SLC35F4: variants seen among roughly 807,000 people sequenced by gnomAD.
The protein encoded by SLC35F4 is chromosome 14 open reading frame 36.
Under a neutral mutation model 44.2 loss-of-function variants are expected in SLC35F4, and 24 were observed. The ratio of observed to expected loss-of-function variants is 0.54; its 90% CI spans 0.39 to 0.76. The LOEUF (loss-of-function observed/expected upper bound fraction) is 0.76. SLC35F4 is among the 30% of genes least tolerant of loss of function. The pLI is 0.00. For missense variants in SLC35F4, 562 were observed against 586.1 expected (o/e 0.96, Z 0.42); for synonymous variants, 238 against 223.6 (o/e 1.06, Z -0.57).
chr14:57,791,061 G>A (rs933818197), intron 1 of SLC35F4, among the ~76,000 whole-genome samples: 2 of 152,122 alleles, frequency 1.3e-5, no homozygotes, highest in African/African-American at 4.8e-5. Flanking sequence ...TACCATTCAG[G>A]ACATAGTCAT....
At chr14:57,754,325 G>A (rs539129463) in intron 1 of SLC35F4, among the ~76,000 whole-genome samples, 6 of 152,002 alleles carry the variant, frequency 3.9e-5, no homozygotes, top group South Asian at 2.1e-4. Flanking sequence ...GTCTGGTCTC[G>A]AACTCCTGAC....
At chr14:57,766,429 G>A (rs904484901) in intron 1 of SLC35F4, among the ~76,000 whole-genome samples, 1 of 152,198 alleles carries the variant, frequency 6.6e-6, no homozygotes, top group African/African-American at 2.4e-5. Context: ...TTCCCTGTCA[G>A]AACAGTGGAA....
At chr14:57,737,118 GTGTGTGCA>G (rs965774674) in intron 1 of SLC35F4, among the ~76,000 whole-genome samples, 10 of 151,170 alleles carry the variant, frequency 6.6e-5, no homozygotes, top group Non-Finnish European at 1.3e-4. Flanking sequence ...GTGTGTGTGT[GTGTGTGCA>G]TGTGTGTGTG....
At chr14:57,920,008 C>T (rs1889410874) in intron 1 of SLC35F4, among the ~76,000 whole-genome samples, 1 of 152,114 alleles carries the variant, frequency 6.6e-6, no homozygotes, top group Non-Finnish European at 1.5e-5. Context: ...TGCTCATTAC[C>T]ATGAGCAGTA....
chr14:57,951,535 C>T (rs1890139468), intron 1 of SLC35F4, among the ~76,000 whole-genome samples: 1 of 152,188 alleles, frequency 6.6e-6, no homozygotes, highest in African/African-American at 2.4e-5. Flanking sequence ...GATCCACTGG[C>T]TTGAAATTCT....
chr14:57,667,440 C>T (rs1335865447), intron 1 of SLC35F4, among the ~76,000 whole-genome samples: 3 of 151,038 alleles, frequency 2.0e-5, no homozygotes, highest in Non-Finnish European at 4.4e-5. Flanking sequence ...CCCATTAACT[C>T]GTCATTTAAC....
At chr14:57,709,897 A>C (rs2140397581) in intron 1 of SLC35F4, among the ~76,000 whole-genome samples, 1 of 152,328 alleles carries the variant, frequency 6.6e-6, no homozygotes, top group South Asian at 2.1e-4. Context: ...GCAGAACATA[A>C]ATGTTTGGAG....
chr14:57,941,325 TA>T (rs1889912739), intron 1 of SLC35F4, among the ~76,000 whole-genome samples: 1 of 152,324 alleles, frequency 6.6e-6, no homozygotes, highest in South Asian at 2.1e-4. Context: ...TTATGGCATG[TA>T]AATATAATAG....
At chr14:57,910,928 T>G (rs1338031789) in intron 1 of SLC35F4, among the ~76,000 whole-genome samples, 1 of 152,068 alleles carries the variant, frequency 6.6e-6, no homozygotes, top group East Asian at 1.9e-4. Context: ...TCCATTTATT[T>G]GGTTTTTCTT....
At chr14:57,711,210 C>T (rs991409532) in intron 1 of SLC35F4, among the ~76,000 whole-genome samples, 2 of 151,964 alleles carry the variant, frequency 1.3e-5, no homozygotes, top group African/African-American at 4.8e-5. Flanking sequence ...CTGGCATTTC[C>T]TCTGCTTGCA....
chr14:57,570,181 C>G (rs1307895317), intron 5 of SLC35F4, among the ~76,000 whole-genome samples: 5 of 152,126 alleles, frequency 3.3e-5, no homozygotes, highest in Non-Finnish European at 5.9e-5. Context: ...TAGCAAATGT[C>G]ATAAAATGAA....
intron 1 of SLC35F4, among the ~76,000 whole-genome samples, chr14:57,677,475 T>G (rs928972865): frequency 2.0e-5 from 3 of 152,034 alleles, no homozygotes; most frequent in African/African-American, 7.3e-5. Context: ...AGTATAGTAA[T>G]GTGTTAATGA....
At chr14:57,950,671 C>CTCTCTTTTTT (rs1890119425) in intron 1 of SLC35F4, among the ~76,000 whole-genome samples, 1 of 79,040 alleles carries the variant, frequency 1.3e-5, no homozygotes, top group Non-Finnish European at 2.3e-5. Context: ...TCTTTTCTTT[C>CTCTCTTTTTT]TTTCTTTTTT....
rs540722184 is a variant in SLC35F4 at position 57,891,702 on chromosome 14, C to A, written n.282+90211G>T. On this transcript the variant is annotated intron_variant and non_coding_transcript_variant, in intron 1 of 1. Transcript: ENST00000556568. ...AGCATCCTGGCCAATATGATGAAAC[C>A]CCATCTGTACTAAAAATACAAAAAT... Among the ~76,000 whole-genome samples, 5 of 151,960 alleles carry A rather than the reference C, an allele frequency of 3.3e-5. No individual in the cohort carries two copies. The East Asian group carries it at 9.7e-4, about 29-fold the overall frequency.
chr14:57,855,090 C>G (rs191109614), intron 1 of SLC35F4, among the ~76,000 whole-genome samples: 2 of 152,176 alleles, frequency 1.3e-5, no homozygotes, highest in African/African-American at 4.8e-5. Flanking sequence ...ATAACAGCTT[C>G]CATACATTGA....
chr14:57,653,304 G>C (rs2073852894), intron 1 of SLC35F4, among the ~76,000 whole-genome samples: 1 of 152,134 alleles, frequency 6.6e-6, no homozygotes, highest in Non-Finnish European at 1.5e-5. Flanking sequence ...AGTGTACCAA[G>C]AACAGTCAAA....
intron 2 of SLC35F4, among the ~76,000 whole-genome samples, chr14:57,592,346 A>G (rs1310557493): frequency 6.6e-6 from 1 of 152,236 alleles, no homozygotes; most frequent in Non-Finnish European, 1.5e-5. Context: ...GTACCATAAT[A>G]TCCACAAAAT....
chr14:57,971,439 A>G (rs1207475065), intron 1 of SLC35F4, among the ~76,000 whole-genome samples: 1 of 152,220 alleles, frequency 6.6e-6, no homozygotes, highest in African/African-American at 2.4e-5. Context: ...AAAGCTGGTA[A>G]AAAGGTGGAT....
intron 1 of SLC35F4, among the ~76,000 whole-genome samples, chr14:57,945,516 T>C (rs1003453088): frequency 2.3e-5 from 3 of 127,984 alleles, no homozygotes; most frequent in African/African-American, 1.1e-4. Flanking sequence ...TATCCACTCA[T>C]TGTTTGATGG....
Sources: allele counts gnomAD v4.1 joint callset (sites outside exome capture counted in the v4.1 genomes callset), GRCh38; gene constraint gnomAD v4.1.1; transcripts MANE v1.5; gene names NCBI Gene and HGNC (gene_info 2026-07-23, HGNC 2026-07-21).